Variants in RARB observed in about 807,000 individuals in gnomAD.
RARB encodes the protein retinoic acid receptor beta.
RARB carries 17 observed loss-of-function variants against 51.9 expected under a neutral mutation model. The observed-to-expected ratio is 0.33, with a 90% CI of 0.22 to 0.49. The LOEUF (loss-of-function observed/expected upper bound fraction) is 0.49, where lower values mean the gene tolerates loss of function less well. Among genes scored for constraint, RARB ranks in the 20% least tolerant of loss-of-function variants. The pLI is 0.99. For missense variants in RARB, 369 were observed against 550.8 expected (o/e 0.67, Z 3.30); for synonymous variants, 215 against 195.4 (o/e 1.10, Z -0.84).
intron 4 of RARB, among the ~76,000 whole-genome samples, chr3:25,142,349 A>G (rs1029146873): frequency 1.3e-5 from 2 of 150,384 alleles, no homozygotes; most frequent in African/African-American, 4.9e-5. Context: ...AAGAAATAAT[A>G]AAAAAAAAAT....
intron 2 of RARB, among the ~76,000 whole-genome samples, chr3:25,493,241 T>TG (rs1696836524): frequency 6.6e-6 from 1 of 152,202 alleles, no homozygotes; most frequent in African/African-American, 2.4e-5. Context: ...TGTCTTTCAG[T>TG]GGGGTGAAAA....
intron 5 of RARB, among the ~76,000 whole-genome samples, chr3:25,305,163 G>A (rs1269842277): frequency 6.6e-6 from 1 of 152,052 alleles, no homozygotes; most frequent in Non-Finnish European, 1.5e-5. Context: ...TGCATAATTA[G>A]ACCTTCATTT....
chr3:25,301,389 T>G (rs374355431), intron 5 of RARB, among the ~76,000 whole-genome samples: 83 of 152,302 alleles, frequency 5.4e-4, no homozygotes, highest in Middle Eastern at 3.4e-3. Flanking sequence ...TAGGGCACTG[T>G]TGGCTTCAAG....
intron 2 of RARB, among the ~76,000 whole-genome samples, chr3:24,899,675 A>G (rs1012696874): frequency 6.6e-6 from 1 of 152,198 alleles, no homozygotes. Context: ...GAGAAAAAAA[A>G]AATTGCAGAT....
chr3:24,975,700 TA>T (rs2125421157), intron 2 of RARB, among the ~76,000 whole-genome samples: 1 of 152,300 alleles, frequency 6.6e-6, no homozygotes, highest in African/African-American at 2.4e-5. Context: ...CTTCTTTAGG[TA>T]AAAATAATCG....
intron 2 of RARB, among the ~76,000 whole-genome samples, chr3:24,897,521 T>C (rs1703502739): frequency 2.6e-5 from 4 of 152,194 alleles, no homozygotes; most frequent in Admixed American, 2.6e-4. Flanking sequence ...ATTCGATAAC[T>C]GTAAACTATA....
At chr3:24,995,847 G>A (rs1697009491) in intron 2 of RARB, among the ~76,000 whole-genome samples, 1 of 151,942 alleles carries the variant, frequency 6.6e-6, no homozygotes, top group Non-Finnish European at 1.5e-5. Context: ...TTGATGTGTT[G>A]TTGGATTTGG....
chr3:25,187,922 A>G (rs1701014481), intron 5 of RARB, among the ~76,000 whole-genome samples: 1 of 152,148 alleles, frequency 6.6e-6, no homozygotes, highest in Non-Finnish European at 1.5e-5. Context: ...TTGTAATTAA[A>G]AAACTGAAGA....
intron 2 of RARB, among the ~76,000 whole-genome samples, chr3:25,058,473 C>G (rs10510556): frequency 0.066 from 9,908 of 150,974 alleles, 427 homozygotes; most frequent in Non-Finnish European, 0.1. Flanking sequence ...AATGTGAAAT[C>G]TGTACTAAAT....
At chr3:25,247,772 C>T (rs558025260) in intron 5 of RARB, among the ~76,000 whole-genome samples, 4 of 152,342 alleles carry the variant, frequency 2.6e-5, no homozygotes, top group South Asian at 4.1e-4. Context: ...ATTTGGCCAT[C>T]TTGCCCGGGA....
chr3:25,405,892 G>A (rs903168394), intron 5 of RARB, among the ~76,000 whole-genome samples: 1 of 152,162 alleles, frequency 6.6e-6, no homozygotes, highest in African/African-American at 2.4e-5. Flanking sequence ...GGAGGGGCAG[G>A]ACACTAATGA....
chr3:24,840,216 C>T (rs770726209), intron 1 of RARB, among the ~76,000 whole-genome samples: 9 of 152,186 alleles, frequency 5.9e-5, no homozygotes, highest in South Asian at 4.1e-4. Context: ...ATCTGGACAC[C>T]TGGCATCTTA....
At chr3:25,578,616 T>G (rs1322967696) in intron 4 of RARB, among the ~76,000 whole-genome samples, 1 of 152,212 alleles carries the variant, frequency 6.6e-6, no homozygotes, top group African/African-American at 2.4e-5. Context: ...TGGCCACACA[T>G]CTTGATCTCA....
intron 3 of RARB, among the ~76,000 whole-genome samples, chr3:25,092,428 T>A (rs1352253060): frequency 2.0e-5 from 3 of 152,110 alleles, no homozygotes; most frequent in African/African-American, 7.2e-5. Context: ...AATTTGTAAG[T>A]AGGGATTCCT....
chr3:24,830,721 G>T (rs565931684), intron 1 of RARB, among the ~76,000 whole-genome samples: 2 of 152,016 alleles, frequency 1.3e-5, no homozygotes, highest in South Asian at 4.2e-4. Flanking sequence ...TCCCTGTCCT[G>T]CCAGTTATGG....
intron 2 of RARB, among the ~76,000 whole-genome samples, chr3:24,896,774 G>T (rs1703488528): frequency 6.6e-6 from 1 of 152,180 alleles, no homozygotes. Flanking sequence ...CTAGAGAGTT[G>T]TGTTTGAAAC....
chr3:25,507,735 G>A (rs1697682857), intron 3 of RARB, among the ~76,000 whole-genome samples: 1 of 152,126 alleles, frequency 6.6e-6, no homozygotes, highest in African/African-American at 2.4e-5. Flanking sequence ...CAGGGATAGG[G>A]GAGACACTGG....
chr3:25,443,620 T>TA (rs1446767517), intron 1 of RARB, among the ~76,000 whole-genome samples: 2 of 83,316 alleles, frequency 2.4e-5, no homozygotes, highest in Non-Finnish European at 5.1e-5. Flanking sequence ...CTAAAATATA[T>TA]ATAAAAAAAA....
At chr3:25,543,345 C>T (rs1699465287) in intron 3 of RARB, among the ~76,000 whole-genome samples, 1 of 152,076 alleles carries the variant, frequency 6.6e-6, no homozygotes, top group South Asian at 2.1e-4. Context: ...GAATTTTTTC[C>T]TAAAGGCACC....
Sources: gnomAD v4.1 joint callset for allele counts (sites outside exome capture counted in the v4.1 genomes callset) on GRCh38, gnomAD v4.1.1 for gene constraint, MANE v1.5 for transcripts, NCBI Gene and HGNC (gene_info 2026-07-23, HGNC 2026-07-21) for gene names.